PHACTR1: variants seen among roughly 807,000 people sequenced by gnomAD.
The protein encoded by PHACTR1 is RPEL repeat containing 1.
Under a neutral mutation model 69.2 loss-of-function variants are expected in PHACTR1, and 16 were observed. The observed-to-expected ratio is 0.23, with a 90% CI of 0.16 to 0.35. The LOEUF (loss-of-function observed/expected upper bound fraction) is 0.35. PHACTR1 is among the 10% of genes least tolerant of loss of function. The probability of loss-of-function intolerance (pLI) is 1.00; values close to 1 mark genes in which losing one functional copy is unlikely to be tolerated. For synonymous variants in PHACTR1, 312 were observed against 284.5 expected (o/e 1.10, Z -0.97); for missense variants, 510 against 734.7 (o/e 0.69, Z 3.54).
chr6:13,272,973 T>A, intron 11 of PHACTR1, 58 bp downstream of exon 11: 1 of 1,603,826 alleles, frequency 6.2e-7, no homozygotes, highest in Non-Finnish European at 8.5e-7. Flanking sequence ...TGTTATTATT[T>A]AATGGTAGGC....
intron 10 of PHACTR1, among the ~76,000 whole-genome samples, chr6:13,232,033 C>T (rs1771304373): frequency 6.6e-6 from 1 of 152,228 alleles, no homozygotes; most frequent in Non-Finnish European, 1.5e-5. Context: ...TTCTGATTCT[C>T]CCTCTTACTA....
intron 5 of PHACTR1, among the ~76,000 whole-genome samples, chr6:13,107,210 G>C (rs899433691): frequency 6.6e-6 from 1 of 151,958 alleles, no homozygotes; most frequent in African/African-American, 2.4e-5. Context: ...CCTGACCTCC[G>C]AGGTTCAAGC....
At chr6:13,273,106 C>T in intron 11 of PHACTR1, 191 bp downstream of exon 11, 1 of 737,788 alleles carries the variant, frequency 1.4e-6, no homozygotes, top group Non-Finnish European at 2.1e-6. Context: ...AATTTTATTC[C>T]ACTTTATTCT....
intron 8 of PHACTR1, among the ~76,000 whole-genome samples, chr6:13,224,176 G>C (rs1341971344): frequency 6.6e-6 from 1 of 152,214 alleles, no homozygotes; most frequent in Non-Finnish European, 1.5e-5. Flanking sequence ...GATACAAACA[G>C]AAGATGTGGC....
intron 4 of PHACTR1, among the ~76,000 whole-genome samples, chr6:12,965,490 G>C (rs1248854452): frequency 7.3e-6 from 1 of 136,992 alleles, no homozygotes; most frequent in Non-Finnish European, 1.5e-5. Flanking sequence ...CTTTTTGTTG[G>C]TGGTTTTGCT....
intron 4 of PHACTR1, among the ~76,000 whole-genome samples, chr6:12,759,339 G>A (rs907565923): frequency 6.6e-6 from 1 of 151,202 alleles, no homozygotes; most frequent in Non-Finnish European, 1.5e-5. Context: ...ACAAAAATGC[G>A]AATTATGACC....
intron 4 of PHACTR1, among the ~76,000 whole-genome samples, chr6:12,920,941 T>TA (rs1787577523): frequency 6.6e-6 from 1 of 152,248 alleles, no homozygotes; most frequent in Non-Finnish European, 1.5e-5. Context: ...AAGTCAGCCT[T>TA]TTGAGTTGGA....
chr6:12,987,194 G>T (rs1276958260), intron 4 of PHACTR1, among the ~76,000 whole-genome samples: 1 of 152,108 alleles, frequency 6.6e-6, no homozygotes, highest in African/African-American at 2.4e-5. Flanking sequence ...ATTTTATTCT[G>T]CAGGTGAGTG....
intron 4 of PHACTR1, among the ~76,000 whole-genome samples, chr6:12,944,773 A>ATT (rs1582625752): frequency 9.4e-6 from 1 of 106,084 alleles, no homozygotes; most frequent in African/African-American, 4.4e-5. Flanking sequence ...TTATTTATTT[A>ATT]TTTATTTTTA....
rs187611337 is a variant in PHACTR1 at position 12,877,759 on chromosome 6, C to G, written c.250+127969C>G. Among the ~76,000 whole-genome samples the G allele has an allele frequency of 2.6e-5, 4 of 152,342 alleles. No individual in the cohort carries two copies. The East Asian group carries it at 5.8e-4, about 22-fold the overall frequency. The stretch of plus-strand genomic sequence containing the variant: ...ATGTCCCCACGCTGTGACACTTTCT[C>G]TAATTCCCCCAAGATCTTCCTTCCA... On this transcript the variant is annotated intron_variant, in intron 4 of 14. Transcript: ENST00000332995.
intron 10 of PHACTR1, among the ~76,000 whole-genome samples, chr6:13,262,940 A>T (rs1182298009): frequency 6.6e-6 from 1 of 152,188 alleles, no homozygotes; most frequent in Non-Finnish European, 1.5e-5. Context: ...CAGACTTTAA[A>T]ATCAAGGCCC....
At chr6:12,824,238 C>G (rs769781003) in intron 4 of PHACTR1, among the ~76,000 whole-genome samples, 6 of 152,190 alleles carry the variant, frequency 3.9e-5, no homozygotes, top group Non-Finnish European at 7.3e-5. Flanking sequence ...GTCACTGTCT[C>G]CCATCACCCC....
intron 4 of PHACTR1, among the ~76,000 whole-genome samples, chr6:12,935,748 G>A (rs745658401): frequency 6.6e-6 from 1 of 152,010 alleles, no homozygotes; most frequent in Non-Finnish European, 1.5e-5. Context: ...AGAACCTAGG[G>A]CCCTTTCTTT....
At chr6:12,846,017 A>G (rs1248334885) in intron 4 of PHACTR1, among the ~76,000 whole-genome samples, 2 of 152,192 alleles carry the variant, frequency 1.3e-5, no homozygotes, top group Non-Finnish European at 2.9e-5. Context: ...CAGTTAGCAA[A>G]ACTGTGGAGA....
intron 4 of PHACTR1, among the ~76,000 whole-genome samples, chr6:12,995,062 A>G (rs1427301659): frequency 2.0e-5 from 3 of 152,290 alleles, no homozygotes; most frequent in East Asian, 1.9e-4. Flanking sequence ...ATATGTTTGT[A>G]AAAGTAAAAC....
chr6:12,990,420 C>T (rs1327887565), intron 4 of PHACTR1, among the ~76,000 whole-genome samples: 2 of 152,196 alleles, frequency 1.3e-5, no homozygotes, highest in East Asian at 1.9e-4. Context: ...TGGGACCAGC[C>T]GACCACTTCA....
At chr6:12,958,297 A>G (rs761185667) in intron 4 of PHACTR1, among the ~76,000 whole-genome samples, 10 of 152,230 alleles carry the variant, frequency 6.6e-5, no homozygotes, top group Non-Finnish European at 1.2e-4. Context: ...TGCAAATCTC[A>G]CTGCAATGGA....
chr6:12,739,246 G>A (rs1021194906), intron 3 of PHACTR1, among the ~76,000 whole-genome samples: 17 of 151,924 alleles, frequency 1.1e-4, no homozygotes, highest in African/African-American at 3.4e-4. Context: ...TTTTTAATGC[G>A]GCACAAAATG....
chr6:12,988,493 A>T (rs1216674433), intron 4 of PHACTR1, among the ~76,000 whole-genome samples: 1 of 152,226 alleles, frequency 6.6e-6, no homozygotes, highest in Non-Finnish European at 1.5e-5. Context: ...AATAGAGGTG[A>T]TGCATTATGA....
Sources: gnomAD v4.1 joint callset for allele counts (sites outside exome capture counted in the v4.1 genomes callset) on GRCh38, gnomAD v4.1.1 for gene constraint, MANE v1.5 for transcripts, NCBI Gene and HGNC (gene_info 2026-07-23, HGNC 2026-07-21) for gene names.